Variants in SLC26A8 observed in about 807,000 individuals in gnomAD.
The protein encoded by SLC26A8 is testis anion transporter 1.
In SLC26A8, 70 loss-of-function variants were observed where a neutral mutation model predicts 105.0. That is an observed-to-expected ratio of 0.67 (90% confidence interval 0.55 to 0.81). The LOEUF (loss-of-function observed/expected upper bound fraction) is 0.81, where lower values mean the gene tolerates loss of function less well. Among genes scored for constraint, SLC26A8 ranks in the 40% least tolerant of loss-of-function variants. The probability of loss-of-function intolerance (pLI) is 0.00; values close to 1 mark genes in which losing one functional copy is unlikely to be tolerated. For missense variants in SLC26A8, 998 were observed against 1,181.8 expected (o/e 0.84, Z 2.28); for synonymous variants, 415 against 438.3 (o/e 0.95, Z 0.66).
At chr6:36,011,201 C>G (rs1761847787) in intron 3 of SLC26A8, among the ~76,000 whole-genome samples, 2 of 152,228 alleles carry the variant, frequency 1.3e-5, no homozygotes, top group Admixed American at 1.3e-4. Context: ...CTTTCTAGCT[C>G]TGTTTCCCTG....
At chr6:36,019,110 G>A (rs989650655) in intron 2 of SLC26A8, among the ~76,000 whole-genome samples, 2 of 152,144 alleles carry the variant, frequency 1.3e-5, no homozygotes, top group Non-Finnish European at 2.9e-5. Flanking sequence ...ATTTTTAGTA[G>A]AGACGGGGTT....
chr6:36,010,226 G>A (rs1761814458), intron 3 of SLC26A8, among the ~76,000 whole-genome samples: 1 of 152,146 alleles, frequency 6.6e-6, no homozygotes, highest in African/African-American at 2.4e-5. Flanking sequence ...AAGCTGCGAT[G>A]TATCCATATA....
At chr6:36,008,264 T>C (rs1048237361) in intron 3 of SLC26A8, among the ~76,000 whole-genome samples, 1 of 151,980 alleles carries the variant, frequency 6.6e-6, no homozygotes, top group African/African-American at 2.4e-5. Flanking sequence ...ACTGCACTCC[T>C]GCCTGGGTGA....
At chr6:36,010,064 A>C (rs1431944812) in intron 3 of SLC26A8, among the ~76,000 whole-genome samples, 1 of 152,210 alleles carries the variant, frequency 6.6e-6, no homozygotes, top group Admixed American at 6.5e-5. Context: ...AAAGTTAAAC[A>C]TACACGTACC....
intron 19 of SLC26A8, among the ~76,000 whole-genome samples, chr6:35,950,033 G>C (rs535141346): frequency 1.3e-5 from 2 of 152,178 alleles, no homozygotes; most frequent in South Asian, 4.2e-4. Flanking sequence ...TCCTGACCTA[G>C]TGATTCGCCT....
rs373485554 is a variant in SLC26A8 at position 35,982,107 on chromosome 6, G to T, written c.1025+14C>A. ...AGAAAGAGAAAAGCAATCTTGAAAA[G>T]TGGAATTACTGACCTATAAGGAATC... On this transcript the variant is annotated intron_variant, in intron 8 of 19. Transcript: ENST00000490799. 10 of 1,613,116 alleles carry T rather than the reference G, an allele frequency of 6.2e-6. No homozygotes were observed. The highest frequency in any genetic ancestry group is 8.5e-6 in the Non-Finnish European group (10 of 1,179,192).
rs1382515925 is a variant in SLC26A8 at position 35,961,017 on chromosome 6, A to G, written c.1544T>C (p.Phe515Ser). ...CCTGTGTGAACGAACAGTGGTGATG[A>G]AGAAAGCAGAAACTACTGAGATAAT... is the stretch of plus-strand genomic sequence containing the variant. ...GLIISVVSAFFITTVRSHRAK... is the reference protein window; with the variant it reads ...GLIISVVSAFSITTVRSHRAK... Residue 515 changes from phenylalanine to serine, a missense_variant, in exon 13 of 20, where the codon TTC (phenylalanine) becomes TCC (serine). Coordinates refer to ENST00000490799, the MANE Select transcript of SLC26A8 (RefSeq NM_052961.4). 1 of 1,614,184 alleles carries G rather than the reference A, an allele frequency of 6.2e-7. No homozygotes were observed. The highest frequency in any genetic ancestry group is 1.7e-5 in the Admixed American group (1 of 60,020).
chr6:35,954,573 A>G (rs532253499), intron 17 of SLC26A8, among the ~76,000 whole-genome samples: 1 of 152,232 alleles, frequency 6.6e-6, no homozygotes, highest in South Asian at 2.1e-4. Context: ...TGAAGTTCAG[A>G]GTGTCCTGTT....
chr6:35,981,267 T>A lies in SLC26A8; in HGVS notation c.1025+854A>T, dbSNP rs1464905542. On this transcript the variant is annotated intron_variant, in intron 8 of 19. Coordinates refer to ENST00000490799, the MANE Select transcript of SLC26A8 (RefSeq NM_052961.4). The surrounding 1 kb of genome is among the most constrained non-coding windows in gnomAD (Gnocchi z 4.0). ...GGTAGGAATTATAATGTAAATTGAT[T>A]GTGAGTCCTTAAGAACTCCATATGC... Among the ~76,000 whole-genome samples, 1 of 152,206 alleles carries A rather than the reference T, an allele frequency of 6.6e-6. No individual in the cohort carries two copies. Among genetic ancestry groups the A allele is most frequent in the Non-Finnish European group, 1.5e-5 (1 of 68,038 alleles).
rs565085651 is a variant in SLC26A8 at position 35,949,988 on chromosome 6, A to G, written c.2472+1175T>C. Among the ~76,000 whole-genome samples, 18 of 151,932 alleles carry G rather than the reference A, an allele frequency of 1.2e-4. No homozygotes were observed. In the South Asian group the frequency reaches 3.7e-3, roughly 32 times the overall value. On this transcript the variant is annotated intron_variant, in intron 19 of 19. Coordinates refer to ENST00000490799, the MANE Select transcript of SLC26A8 (RefSeq NM_052961.4). ...GCCCGGCTAATTTTTTTGTATTTTT[A>G]GTAGAGATGGGGTTTCACCAGGATG... is the stretch of plus-strand genomic sequence containing the variant.
chr6:35,943,933 G>A lies in SLC26A8; in HGVS notation c.2880C>T (p.Tyr960=). The A allele has an allele frequency of 6.2e-7, 1 of 1,614,140 alleles. No individual in the cohort carries two copies. Among genetic ancestry groups the A allele is most frequent in the African/African-American group, 1.3e-5 (1 of 75,036 alleles). The part of the protein sequence containing the change: ...VERRRHPMDS[Y]SPEGNSNEDV ...CTTCATTGCTGTTGCCCTCTGGTGA[G>A]TATGAATCCATAGGATGGCGTCTCC... The change falls in exon 20 of 20, where the codon TAC becomes TAT. Residue 960 remains tyrosine (Y), a synonymous_variant. Coordinates refer to ENST00000490799, the MANE Select transcript of SLC26A8 (RefSeq NM_052961.4).
At chr6:35,959,917 T>A (rs1036023513) in intron 14 of SLC26A8, 111 bp from the exon 15 acceptor site, 18 of 924,062 alleles carry the variant, frequency 1.9e-5, no homozygotes, top group Non-Finnish European at 2.6e-5. Flanking sequence ...TTTATTTTTT[T>A]ATTTTTTTTG....
At chr6:35,972,461 T>C (rs905005476) in intron 10 of SLC26A8, among the ~76,000 whole-genome samples, 10 of 151,904 alleles carry the variant, frequency 6.6e-5, no homozygotes, top group African/African-American at 2.4e-4. Flanking sequence ...TCCCATGGAA[T>C]GAAGAAGATG....
intron 5 of SLC26A8, among the ~76,000 whole-genome samples, chr6:35,996,680 G>A (rs892145411): frequency 6.6e-6 from 1 of 152,004 alleles, no homozygotes; most frequent in African/African-American, 2.4e-5. Context: ...CTGAGTAACT[G>A]GGACTACAGG....
At chr6:35,985,263 T>C (rs1266121404) in intron 7 of SLC26A8, among the ~76,000 whole-genome samples, 1 of 152,058 alleles carries the variant, frequency 6.6e-6, no homozygotes. Context: ...TGGTAGGACC[T>C]CCCTCCAGAG....
chr6:35,991,395 C>A (rs574316740), intron 7 of SLC26A8, among the ~76,000 whole-genome samples: 1 of 116,768 alleles, frequency 8.6e-6, no homozygotes, highest in Non-Finnish European at 1.8e-5. Context: ...CAGAGCAAGA[C>A]TCTGTCAAAA....
chr6:35,980,687 T>C (rs1773232751), intron 8 of SLC26A8, among the ~76,000 whole-genome samples: 1 of 152,150 alleles, frequency 6.6e-6, no homozygotes, highest in Non-Finnish European at 1.5e-5. Flanking sequence ...CTGGGTAGGT[T>C]ATGAGACTAG....
intron 1 of SLC26A8, among the ~76,000 whole-genome samples, chr6:36,022,335 G>C (rs1406168333): frequency 6.6e-6 from 1 of 152,226 alleles, no homozygotes; most frequent in Admixed American, 6.5e-5. Context: ...AAATGTGCCA[G>C]TGTTATGTTC....
chr6:36,023,594 A>G (rs1292069969), intron 1 of SLC26A8, among the ~76,000 whole-genome samples: 1 of 151,754 alleles, frequency 6.6e-6, no homozygotes, highest in Non-Finnish European at 1.5e-5. Flanking sequence ...TTTAAATACA[A>G]TCCAATTTTT....
Sources: allele counts gnomAD v4.1 joint callset (sites outside exome capture counted in the v4.1 genomes callset), GRCh38; gene constraint gnomAD v4.1.1; non-coding constraint Gnocchi (gnomAD v3.1); transcripts MANE v1.5; gene names NCBI Gene and HGNC (gene_info 2026-07-23, HGNC 2026-07-21).